AGBL1: variants seen among roughly 807,000 people sequenced by gnomAD.
AGBL1 encodes the protein cytosolic carboxypeptidase 4.
A neutral mutation model predicts 118.9 loss-of-function variants in AGBL1; 130 were observed. That is an observed-to-expected ratio of 1.09 (90% CI 0.95 to 1.26). The LOEUF (loss-of-function observed/expected upper bound fraction) is 1.26. Ranked by LOEUF, AGBL1 falls within the 50% of genes most tolerant of loss-of-function variation. The probability of loss-of-function intolerance (pLI) is 0.00; values close to 1 mark genes in which losing one functional copy is unlikely to be tolerated. For synonymous variants in AGBL1, 555 were observed against 478.9 expected (o/e 1.16, Z -2.08); for missense variants, 1,584 against 1,298.1 (o/e 1.22, Z -3.38).
intron 1 of AGBL1, among the ~76,000 whole-genome samples, chr15:86,100,885 T>C (rs945871594): frequency 2.0e-5 from 3 of 152,270 alleles, no homozygotes; most frequent in African/African-American, 7.2e-5. Flanking sequence ...GTTCTGATCT[T>C]TATTAGTCAT....
At chr15:86,830,772 C>T (rs1270280801) in intron 22 of AGBL1, among the ~76,000 whole-genome samples, 1 of 152,144 alleles carries the variant, frequency 6.6e-6, no homozygotes, top group Non-Finnish European at 1.5e-5. Flanking sequence ...AATAGGTACT[C>T]CAGGCTATGA....
intron 18 of AGBL1, among the ~76,000 whole-genome samples, chr15:86,446,287 G>A (rs2082119632): frequency 6.6e-6 from 1 of 152,192 alleles, no homozygotes. Context: ...AGCAGGTGAG[G>A]AATGGGAGCT....
chr15:86,211,962 GC>G, intron 5 of AGBL1, among the ~76,000 whole-genome samples: 1 of 152,094 alleles, frequency 6.6e-6, no homozygotes, highest in Non-Finnish European at 1.5e-5. Flanking sequence ...TTCCTATTCG[GC>G]CATCTTGGAA....
At chr15:86,650,737 T>G (rs1248649861) in intron 21 of AGBL1, among the ~76,000 whole-genome samples, 2 of 152,236 alleles carry the variant, frequency 1.3e-5, no homozygotes, top group African/African-American at 4.8e-5. Context: ...AATCACATAC[T>G]GGCAGGCATA....
At chr15:86,733,317 C>T (rs1260902838) in intron 22 of AGBL1, among the ~76,000 whole-genome samples, 1 of 152,066 alleles carries the variant, frequency 6.6e-6, no homozygotes, top group African/African-American at 2.4e-5. Context: ...CTTCCTCTTC[C>T]TTTTTGTTCT....
intron 22 of AGBL1, among the ~76,000 whole-genome samples, chr15:86,813,954 G>A (rs759374820): frequency 6.6e-6 from 1 of 152,158 alleles, no homozygotes; most frequent in Non-Finnish European, 1.5e-5. Flanking sequence ...GTAGATACCA[G>A]GTTTAGGACT....
intron 22 of AGBL1, among the ~76,000 whole-genome samples, chr15:86,791,728 T>TATATATATATATATATATA (rs1177264209): frequency 1.8e-4 from 26 of 142,838 alleles, no homozygotes; most frequent in Non-Finnish European, 2.3e-4. Context: ...TCCTTGTTTT[T>TATATATATATATATATATA]TATATATATA....
chr15:86,610,190 CTT>C (rs1305685089), intron 21 of AGBL1, among the ~76,000 whole-genome samples: 2 of 152,290 alleles, frequency 1.3e-5, no homozygotes, highest in East Asian at 3.9e-4. Flanking sequence ...CATTTCGTCT[CTT>C]TTGACATGAC....
At chr15:86,936,019 CAGGCAAGGCAG>C (rs1385043159) in intron 23 of AGBL1, among the ~76,000 whole-genome samples, 1 of 152,244 alleles carries the variant, frequency 6.6e-6, no homozygotes, top group Non-Finnish European at 1.5e-5. Context: ...CCTGCTCCAG[CAGGCAAGGCAG>C]AGGCCGCCAC....
At chr15:86,646,025 A>G (rs1474553177) in intron 21 of AGBL1, among the ~76,000 whole-genome samples, 1 of 152,172 alleles carries the variant, frequency 6.6e-6, no homozygotes, top group Non-Finnish European at 1.5e-5. Context: ...ACTCCTCTGA[A>G]TGTGTAATAT....
intron 14 of AGBL1, among the ~76,000 whole-genome samples, chr15:86,270,560 A>T (rs2079143901): frequency 6.6e-6 from 1 of 152,288 alleles, no homozygotes; most frequent in South Asian, 2.1e-4. Flanking sequence ...ATTTATTTCA[A>T]ATGTTTTGAG....
chr15:86,100,875 G>T (rs1896673751), intron 1 of AGBL1, among the ~76,000 whole-genome samples: 1 of 151,916 alleles, frequency 6.6e-6, no homozygotes, highest in African/African-American at 2.4e-5. Flanking sequence ...ATTTATCTCT[G>T]TTCTGATCTT....
At chr15:86,185,292 T>A (rs1362314654) in intron 5 of AGBL1, among the ~76,000 whole-genome samples, 1 of 152,154 alleles carries the variant, frequency 6.6e-6, no homozygotes, top group Non-Finnish European at 1.5e-5. Flanking sequence ...ATAAGAACAC[T>A]CTTACACTGT....
At position 86,264,266 on chromosome 15, in the gene AGBL1, G is replaced by C; in HGVS notation, c.1095G>C (p.Gln365His). Reference sequence around the variant, plus strand: ...CCATTTTGAACCTGAAGGAACTGCAGTCCAAACTTGGAGATGATTTGAACT... The same window carrying C: ...CCATTTTGAACCTGAAGGAACTGCACTCCAAACTTGGAGATGATTTGAACT... Reference protein sequence around the residue: ...LELSYSFEELQSKLGDDLNSE... With the variant: ...LELSYSFEELHSKLGDDLNSE... Residue 365 changes from glutamine (Q) to histidine (H), a missense_variant, in exon 11 of 23, where the codon CAG (glutamine) becomes CAC (histidine). Physicochemically the swap from Gln to His is conservative, Grantham distance 24. Transcript: ENST00000614907. 6.3e-7 allele frequency: 1 copy of C among 1,593,858 alleles called. No homozygotes were observed. The highest frequency in any genetic ancestry group is 8.5e-7 in the Non-Finnish European group (1 of 1,170,240).
chr15:86,857,069 C>T (rs1458565852), intron 22 of AGBL1, among the ~76,000 whole-genome samples: 1 of 152,144 alleles, frequency 6.6e-6, no homozygotes, highest in East Asian at 1.9e-4. Context: ...ACTGAAAACC[C>T]CTGTCACCTG....
At chr15:86,404,786 C>A (rs1166257275) in intron 18 of AGBL1, among the ~76,000 whole-genome samples, 1 of 152,168 alleles carries the variant, frequency 6.6e-6, no homozygotes, top group African/African-American at 2.4e-5. Flanking sequence ...AATGAGCATA[C>A]TTGCCATGTT....
At chr15:86,872,524 G>C (rs948026279) in intron 22 of AGBL1, among the ~76,000 whole-genome samples, 4 of 152,306 alleles carry the variant, frequency 2.6e-5, no homozygotes, top group South Asian at 4.1e-4. Context: ...GGGAGGCTGA[G>C]GTAGGCAGAA....
intron 5 of AGBL1, among the ~76,000 whole-genome samples, chr15:86,207,302 C>T (rs1203565059): frequency 5.9e-5 from 9 of 152,050 alleles, no homozygotes; most frequent in Admixed American, 2.6e-4. Flanking sequence ...GGCTCTTTTT[C>T]GGTTCCATAT....
intron 15 of AGBL1, among the ~76,000 whole-genome samples, chr15:86,276,415 A>G (rs1012643230): frequency 7.2e-5 from 11 of 152,258 alleles, no homozygotes; most frequent in Admixed American, 7.2e-4. Flanking sequence ...TCCCATGTGT[A>G]GAATGTGTGT....
Sources: gnomAD v4.1 joint callset for allele counts (sites outside exome capture counted in the v4.1 genomes callset) on GRCh38, gnomAD v4.1.1 for gene constraint, MANE v1.5 for transcripts, NCBI Gene and HGNC (gene_info 2026-07-23, HGNC 2026-07-21) for gene names.